The following GRIK2 variants were observed in gnomAD, a reference collection of about 807,000 sequenced individuals.
GRIK2 encodes the protein glutamate receptor ionotropic, kainate 2.
A neutral mutation model predicts 100.3 loss-of-function variants in GRIK2; 32 were observed. The ratio of observed to expected loss-of-function variants is 0.32; its 90% CI spans 0.24 to 0.43. The LOEUF is 0.43. Ranked by LOEUF, GRIK2 falls within the 20% of genes least tolerant of loss-of-function variation. The probability of loss-of-function intolerance (pLI) is 1.00; values close to 1 mark genes in which losing one functional copy is unlikely to be tolerated. For missense variants in GRIK2, 843 were observed against 1,114.9 expected, an observed-to-expected ratio of 0.76 and a Z score of 3.47; for synonymous variants, 417 against 389.4, an observed-to-expected ratio of 1.07 and a Z score of -0.83.
chr6:102,058,154 G>A (rs1038495319), intron 16 of GRIK2, among the ~76,000 whole-genome samples: 2 of 151,680 alleles, frequency 1.3e-5, no homozygotes, highest in Non-Finnish European at 2.9e-5. Flanking sequence ...ATATCTTCAC[G>A]CTGCGAACCC....
At chr6:101,955,989 A>G (rs1791913489) in intron 14 of GRIK2, among the ~76,000 whole-genome samples, 1 of 151,870 alleles carries the variant, frequency 6.6e-6, no homozygotes, top group African/African-American at 2.4e-5. Context: ...AGGTTAGGTC[A>G]TTGATATGAG....
At position 101,780,592 on chromosome 6, in the gene GRIK2, GTAA is replaced by G. The variant is rs528268952; in HGVS notation, c.952-19047_952-19045del. 1.8e-4 allele frequency among the ~76,000 whole-genome samples: 27 copies of G among 152,124 alleles called. No homozygotes were observed. In the East Asian group the frequency reaches 3.7e-3, roughly 21 times the overall value. On this transcript the variant is annotated intron_variant, in intron 7 of 16. Coordinates refer to ENST00000369134, the MANE Select transcript of GRIK2 (RefSeq NM_021956.5). ...CTTGAATTAAAATAATTATTGTTTT[GTAA>G]TAATAATATTATAAAAATGATAATA...
At chr6:101,777,611 C>A (rs1189622572) in intron 7 of GRIK2, among the ~76,000 whole-genome samples, 1 of 151,800 alleles carries the variant, frequency 6.6e-6, no homozygotes, top group Admixed American at 6.6e-5. Flanking sequence ...TTATTATTTT[C>A]TTTAGTAAAA....
At chr6:101,402,541 C>A (rs528978467) in intron 2 of GRIK2, among the ~76,000 whole-genome samples, 1 of 152,302 alleles carries the variant, frequency 6.6e-6, no homozygotes, top group South Asian at 2.1e-4. Flanking sequence ...TCTATGGCAG[C>A]GACCTGAGGG....
chr6:101,961,663 G>T (rs1198096568), intron 14 of GRIK2, among the ~76,000 whole-genome samples: 1 of 152,070 alleles, frequency 6.6e-6, no homozygotes, highest in African/African-American at 2.4e-5. Context: ...GAGCTCTTGT[G>T]CAGAGGAGAG....
chr6:101,618,879 C>T lies in GRIK2; in HGVS notation c.116-3070C>T, dbSNP rs192410948. The stretch of plus-strand genomic sequence containing the variant: ...TTCCTGACCTTAATGGAACTTCCTC[C>T]TCTTATATATAAAATTTACTGTTCA... On this transcript the variant is annotated intron_variant, in intron 2 of 16. Transcript: ENST00000369134. 7.1e-3 allele frequency among the ~76,000 whole-genome samples: 1,072 copies of T among 151,062 alleles called. 15 individuals carry two copies. Among genetic ancestry groups the T allele is most frequent in the African/African-American group, 0.024 (1,009 of 41,308 alleles).
chr6:101,515,808 G>A (rs773120470), intron 2 of GRIK2, among the ~76,000 whole-genome samples: 29 of 152,212 alleles, frequency 1.9e-4, no homozygotes, highest in Non-Finnish European at 3.5e-4. Flanking sequence ...TGTAGATTAT[G>A]GATATTAGTC....
At chr6:101,924,392 A>G (rs1015784378) in intron 12 of GRIK2, among the ~76,000 whole-genome samples, 10 of 152,190 alleles carry the variant, frequency 6.6e-5, no homozygotes, top group African/African-American at 2.4e-4. Flanking sequence ...AAGAAAATGC[A>G]ATTTCTTACT....
chr6:101,624,741 T>C (rs1415373721), intron 3 of GRIK2, among the ~76,000 whole-genome samples: 1 of 151,062 alleles, frequency 6.6e-6, no homozygotes, highest in South Asian at 2.1e-4. Flanking sequence ...CATGGTTTAC[T>C]TTTTTTTTGA....
intron 7 of GRIK2, among the ~76,000 whole-genome samples, chr6:101,772,068 A>T (rs979157816): frequency 1.3e-5 from 2 of 152,170 alleles, no homozygotes; most frequent in African/African-American, 4.8e-5. Context: ...AGCTGGATCC[A>T]GGTGCCCAAA....
intron 4 of GRIK2, among the ~76,000 whole-genome samples, chr6:101,648,839 ACTCACAGTTCCACTTG>A (rs1781652201): frequency 6.6e-6 from 1 of 152,096 alleles, no homozygotes; most frequent in Non-Finnish European, 1.5e-5. Context: ...GGTTTAATGG[ACTCACAGTTCCACTTG>A]GCTGGGGAGG....
At chr6:101,761,809 C>A (rs192768450) in intron 7 of GRIK2, among the ~76,000 whole-genome samples, 4,753 of 134,898 alleles carry the variant, frequency 0.035, 157 homozygotes, top group African/African-American at 0.09. Context: ...TTCTTCCTTC[C>A]TTCCTTCTTT....
At chr6:101,840,795 C>A (rs947575348) in intron 10 of GRIK2, among the ~76,000 whole-genome samples, 1 of 150,578 alleles carries the variant, frequency 6.6e-6, no homozygotes, top group East Asian at 2.0e-4. Context: ...AACAAACAAA[C>A]AAAAAGCATG....
intron 2 of GRIK2, among the ~76,000 whole-genome samples, chr6:101,583,288 C>T (rs1337995655): frequency 6.6e-6 from 1 of 152,064 alleles, no homozygotes; most frequent in African/African-American, 2.4e-5. Flanking sequence ...GATACCTAAG[C>T]CACGTTAATG....
rs376398456 is a variant in GRIK2, at chr6:101,423,467, T to A, written c.115+24075T>A. 5.9e-5 allele frequency among the ~76,000 whole-genome samples: 9 copies of A among 152,292 alleles called. No individual in the cohort carries two copies. The East Asian group carries it at 1.5e-3, about 26-fold the overall frequency. On this transcript the variant is annotated intron_variant, in intron 2 of 16. Transcript: ENST00000369134. ...ATTCTCGACAGCACTTGTTTTTTTA[T>A]GTATTTATTTTTGAAAGTAGACTAA...
intron 4 of GRIK2, among the ~76,000 whole-genome samples, chr6:101,651,019 T>C (rs954104000): frequency 1.3e-5 from 2 of 149,984 alleles, no homozygotes; most frequent in South Asian, 2.1e-4. Flanking sequence ...TTTTTTTTTT[T>C]TTTTGGCAAC....
chr6:101,724,001 C>T (rs569074530), intron 7 of GRIK2, among the ~76,000 whole-genome samples: 19 of 151,686 alleles, frequency 1.3e-4, no homozygotes, highest in Non-Finnish European at 2.1e-4. Context: ...AATTTCTCTT[C>T]TCTCAAGAAA....
At chr6:101,443,215 C>T (rs1001857713) in intron 2 of GRIK2, among the ~76,000 whole-genome samples, 1 of 151,954 alleles carries the variant, frequency 6.6e-6, no homozygotes, top group Non-Finnish European at 1.5e-5. Context: ...TAATAAACAT[C>T]CTATGTATAG....
At chr6:101,596,587 G>A (rs949961826) in intron 2 of GRIK2, among the ~76,000 whole-genome samples, 2 of 151,786 alleles carry the variant, frequency 1.3e-5, no homozygotes. Flanking sequence ...GTGTCTATGG[G>A]AAGTGGGCTT....
Sources: allele counts gnomAD v4.1 joint callset (sites outside exome capture counted in the v4.1 genomes callset), GRCh38; gene constraint gnomAD v4.1.1; transcripts MANE v1.5; gene names NCBI Gene and HGNC (gene_info 2026-07-23, HGNC 2026-07-21).